Variants in RUNX1 observed in about 807,000 individuals in gnomAD.
The protein encoded by RUNX1 is RUNX family transcription factor 1.
In RUNX1, 19 loss-of-function variants were observed where a neutral mutation model predicts 42.8. The observed-to-expected ratio is 0.44, with a 90% confidence interval of 0.31 to 0.65. The LOEUF (loss-of-function observed/expected upper bound fraction) is 0.65. RUNX1 is among the 30% of genes least tolerant of loss of function. The pLI, the probability that RUNX1 is intolerant of heterozygous loss-of-function variation, is 0.07. For synonymous variants in RUNX1, 271 were observed against 289.4 expected (o/e 0.94, Z 0.64); for missense variants, 528 against 672.0 (o/e 0.79, Z 2.37).
chr21:34,861,832 G>A (rs2057580884), intron 5 of RUNX1, among the ~76,000 whole-genome samples: 1 of 152,078 alleles, frequency 6.6e-6, no homozygotes, highest in Admixed American at 6.6e-5. Flanking sequence ...TTTGCTTTAT[G>A]GCTGTTTGGG....
At chr21:34,837,269 C>G (rs988661555) in intron 6 of RUNX1, among the ~76,000 whole-genome samples, 2 of 152,138 alleles carry the variant, frequency 1.3e-5, no homozygotes, top group South Asian at 2.1e-4. Context: ...CCACTCTCCC[C>G]ACGTGTGTTC....
chr21:34,964,178 A>T (rs2058701428), intron 2 of RUNX1, among the ~76,000 whole-genome samples: 1 of 152,208 alleles, frequency 6.6e-6, no homozygotes, highest in South Asian at 2.1e-4. Context: ...CAGCAGCACC[A>T]TGGAAGCTGA....
intron 6 of RUNX1, among the ~76,000 whole-genome samples, chr21:34,853,956 G>T (rs918423478): frequency 6.6e-6 from 1 of 152,062 alleles, no homozygotes; most frequent in Admixed American, 6.5e-5. Context: ...GGGACTACAG[G>T]CGTGTACCAC....
chr21:34,788,532 A>C lies in RUNX1; in HGVS notation c.*3603T>G, dbSNP rs1388938806. 3 of 233,098 alleles carry C rather than the reference A, an allele frequency of 1.3e-5. No individual in the cohort carries two copies. The highest frequency in any genetic ancestry group is 2.5e-5 in the Non-Finnish European group (3 of 117,836). The allele number at this position is 233,098 out of a possible 1,614,324, so 14.4% of individuals were successfully genotyped here. On this transcript the variant is annotated 3_prime_UTR_variant, in exon 9 of 9. Transcript: ENST00000675419. ...CCTACAGTATTTAGCAAACCTAAGAAAAAGTCCTTAGAAACACACACAAAA... is the reference window on the plus strand; with the variant it reads ...CCTACAGTATTTAGCAAACCTAAGACAAAGTCCTTAGAAACACACACAAAA...
At chr21:34,964,474 C>T (rs371494448) in intron 2 of RUNX1, among the ~76,000 whole-genome samples, 429 of 136,586 alleles carry the variant, frequency 3.1e-3, no homozygotes, top group African/African-American at 0.012. Flanking sequence ...AGCGACAGAG[C>T]GAGACTCCAT....
intron 6 of RUNX1, among the ~76,000 whole-genome samples, chr21:34,835,394 T>C (rs747867272): frequency 2.0e-5 from 3 of 151,862 alleles, no homozygotes; most frequent in Non-Finnish European, 2.9e-5. Context: ...TCAGGACTGG[T>C]GGGATGGGAT....
intron 2 of RUNX1, among the ~76,000 whole-genome samples, chr21:34,913,312 T>A (rs2058287248): frequency 6.6e-6 from 1 of 152,178 alleles, no homozygotes. Flanking sequence ...TGCGTAGACT[T>A]TTCTCTGGGA....
At chr21:34,860,595 A>G (rs1160348977) in intron 5 of RUNX1, among the ~76,000 whole-genome samples, 1 of 152,120 alleles carries the variant, frequency 6.6e-6, no homozygotes, top group East Asian at 1.9e-4. Context: ...TCACGGGTCT[A>G]TAATAGGACC....
At chr21:34,924,665 G>A (rs1052934726) in intron 2 of RUNX1, among the ~76,000 whole-genome samples, 5 of 152,180 alleles carry the variant, frequency 3.3e-5, no homozygotes, top group African/African-American at 1.2e-4. Context: ...GGAGTATCAT[G>A]TTTATTATGC....
At chr21:35,038,508 A>G in intron 2 of RUNX1, 1 of 455,480 alleles carries the variant, frequency 2.2e-6, no homozygotes, top group Non-Finnish European at 4.4e-6. Context: ...AGCTTCCTTG[A>G]ATTCAGTACA....
Position 34,871,610 on chromosome 21 carries a change from G to T in RUNX1, c.508+8947C>A, listed in dbSNP as rs80337581. Among the ~76,000 whole-genome samples the T allele has an allele frequency of 5.0e-3, 756 of 152,210 alleles. 8 individuals carry two copies. Among genetic ancestry groups the T allele is most frequent in the African/African-American group, 0.017 (715 of 41,542 alleles). Reference sequence around the variant, plus strand: ...GCCCTGAATCTCAGTGTAAAAACCGGTGATGGCAAAACTGACATGCTGGGG... The same window carrying T: ...GCCCTGAATCTCAGTGTAAAAACCGTTGATGGCAAAACTGACATGCTGGGG... On this transcript the variant is annotated intron_variant, in intron 5 of 8. Transcript: ENST00000675419.
At chr21:34,925,714 C>A (rs1256713318) in intron 2 of RUNX1, among the ~76,000 whole-genome samples, 1 of 152,078 alleles carries the variant, frequency 6.6e-6, no homozygotes, top group Non-Finnish European at 1.5e-5. Context: ...GTTATGGCAG[C>A]CCTAGGGAAC....
At chr21:34,977,912 T>C (rs890142065) in intron 2 of RUNX1, among the ~76,000 whole-genome samples, 1 of 152,112 alleles carries the variant, frequency 6.6e-6, no homozygotes, top group Non-Finnish European at 1.5e-5. Context: ...CCAATGTCTT[T>C]AGAGTAAACA....
chr21:34,837,889 T>C (rs149818116), intron 6 of RUNX1, among the ~76,000 whole-genome samples: 225 of 152,318 alleles, frequency 1.5e-3, no homozygotes, highest in African/African-American at 4.9e-3. Flanking sequence ...GGTCCTAAAT[T>C]CTTCTAGTAC....
chr21:34,959,435 A>C (rs1201776358), intron 2 of RUNX1, among the ~76,000 whole-genome samples: 1 of 152,174 alleles, frequency 6.6e-6, no homozygotes, highest in Non-Finnish European at 1.5e-5. Flanking sequence ...AGCTAATACT[A>C]AGGCATGGAG....
At position 34,842,465 on chromosome 21, in the gene RUNX1, A is replaced by C. The variant is rs190968632; in HGVS notation, c.614-7864T>G. On this transcript the variant is annotated intron_variant, in intron 6 of 8. Transcript: ENST00000675419. ...AGCCAAGATCGCTCCACTGCACTCC[A>C]GACTGGGTGACAGAGGGAGACCTCT... Among the ~76,000 whole-genome samples the C allele has an allele frequency of 3.0e-3, 421 of 139,610 alleles. 2 individuals carry two copies. The highest frequency in any genetic ancestry group is 0.011 in the African/African-American group (409 of 37,220). The allele number at this position is 139,610 out of a possible 152,430, so 91.6% of individuals were successfully genotyped here.
chr21:34,975,732 C>G (rs2058796896), intron 2 of RUNX1, among the ~76,000 whole-genome samples: 1 of 151,290 alleles, frequency 6.6e-6, no homozygotes, highest in East Asian at 1.9e-4. Context: ...GAGAGGGTAG[C>G]AATTGCAAAA....
Position 34,791,257 on chromosome 21 carries a change from G to A in RUNX1, c.*878C>T, listed in dbSNP as rs2056430025. ...TCTTCAATGTGATACATTTAACTTT[G>A]GCTACTATCAAGAACAAAAGAAAAT... is the stretch of plus-strand genomic sequence containing the variant. On this transcript the variant is annotated 3_prime_UTR_variant, in exon 9 of 9. Transcript: ENST00000675419. 4.3e-6 allele frequency: 1 copy of A among 232,474 alleles called. No individual in the cohort carries two copies. The highest frequency in any genetic ancestry group is 2.2e-5 in the African/African-American group (1 of 45,138). 14.4% of individuals were successfully genotyped at this position (232,474 alleles called of 1,614,324 possible). A position where few individuals can be genotyped will look rare whatever the true frequency, so the allele number is the denominator to read the frequency against.
rs1491171018 is a variant in RUNX1, at chr21:34,930,291, TAA to T, written c.59-37330_59-37329del. Among the ~76,000 whole-genome samples, 29 of 138,792 alleles carry T rather than the reference TAA, an allele frequency of 2.1e-4. 1 individual carries two copies. Among genetic ancestry groups the T allele is most frequent in the African/African-American group, 6.6e-4 (23 of 35,032 alleles). 91.1% of individuals were successfully genotyped at this position (138,792 alleles called of 152,430 possible). ...GTATGTATATATATATATATATATA[TAA>T]ATAAATAAATAAAATTTTACAACTA... is the stretch of plus-strand genomic sequence containing the variant. On this transcript the variant is annotated intron_variant, in intron 2 of 8. Transcript: ENST00000675419.
Sources: gnomAD v4.1 joint callset for allele counts (sites outside exome capture counted in the v4.1 genomes callset) on GRCh38, gnomAD v4.1.1 for gene constraint, MANE v1.5 for transcripts, NCBI Gene and HGNC (gene_info 2026-07-23, HGNC 2026-07-21) for gene names.